GPRIN3: variants seen among roughly 807,000 people sequenced by gnomAD.
GPRIN3 encodes G protein-regulated inducer of neurite outgrowth 3.
In GPRIN3, 12 loss-of-function variants were observed where a neutral mutation model predicts 13.7. The observed-to-expected ratio is 0.87, with a 90% CI of 0.56 to 1.42. The LOEUF is 1.42. GPRIN3 is among the 40% of genes most tolerant of loss of function. The pLI is 0.00. For synonymous variants in GPRIN3, 377 were observed against 372.7 expected, an observed-to-expected ratio of 1.01 and a Z score of -0.13; for missense variants, 1,009 against 958.7, an observed-to-expected ratio of 1.05 and a Z score of -0.69.
chr4:89,257,041 G>A (rs370548773), intron 1 of GPRIN3, among the ~76,000 whole-genome samples: 40 of 152,210 alleles, frequency 2.6e-4, no homozygotes, highest in South Asian at 1.9e-3. Context: ...ACATCATACC[G>A]GGGCACTAAC....
chr4:89,263,418 G>A (rs542251633), intron 1 of GPRIN3, among the ~76,000 whole-genome samples: 10 of 152,166 alleles, frequency 6.6e-5, no homozygotes, highest in Non-Finnish European at 1.3e-4. Flanking sequence ...ATGTGCACTG[G>A]GGTGGAGGCC....
intron 1 of GPRIN3, among the ~76,000 whole-genome samples, chr4:89,266,174 G>A (rs1246713135): frequency 1.3e-5 from 2 of 152,138 alleles, no homozygotes; most frequent in East Asian, 3.9e-4. Flanking sequence ...TTGAATTTAA[G>A]ATAGTAAACA....
chr4:89,266,945 T>C (rs1011394821), intron 1 of GPRIN3, among the ~76,000 whole-genome samples: 3 of 152,228 alleles, frequency 2.0e-5, no homozygotes, highest in African/African-American at 4.8e-5. Context: ...ATTGTGATGC[T>C]ATAGGCTGCA....
chr4:89,279,572 G>A (rs532739664), intron 1 of GPRIN3, among the ~76,000 whole-genome samples: 102 of 152,220 alleles, frequency 6.7e-4, no homozygotes, highest in South Asian at 2.7e-3. Context: ...TTGTTTCTTT[G>A]TCATTTCTGC....
At chr4:89,294,752 T>A (rs1450101312) in intron 1 of GPRIN3, among the ~76,000 whole-genome samples, 1 of 152,222 alleles carries the variant, frequency 6.6e-6, no homozygotes, top group Non-Finnish European at 1.5e-5. Context: ...AAACCACTGC[T>A]ATATCCTTTT....
At chr4:89,269,357 G>A (rs1723865643) in intron 1 of GPRIN3, among the ~76,000 whole-genome samples, 1 of 152,046 alleles carries the variant, frequency 6.6e-6, no homozygotes, top group Admixed American at 6.6e-5. Context: ...AAATCACCAT[G>A]GTAGTATATT....
rs180990376 is a variant in GPRIN3, at chr4:89,258,456, C to A, written c.-123-8223G>T. ...GGTCTCCATCTCCTGACCTCGTGAT[C>A]CACTCCCTCGACCTCCCAAAGTGCT... On this transcript the variant is annotated intron_variant, in intron 1 of 1. Coordinates refer to ENST00000609438, the MANE Select transcript of GPRIN3 (RefSeq NM_198281.3). Among the ~76,000 whole-genome samples the A allele has an allele frequency of 2.3e-3, 350 of 152,236 alleles. 1 individual carries two copies. The highest frequency in any genetic ancestry group is 3.3e-3 in the Non-Finnish European group (223 of 68,006).
In GPRIN3 at chr4:89,249,294, C is replaced by T. The variant is rs1460621562; in HGVS notation, c.817G>A (p.Glu273Lys). 23 of 1,613,822 alleles carry T rather than the reference C, an allele frequency of 1.4e-5. No individual in the cohort carries two copies. The highest frequency in any genetic ancestry group is 1.6e-5 in the Non-Finnish European group (19 of 1,180,010). ...GGACCTGGGGGACATGCCGAAGGTT[C>T]GCTAGTGAGGGGGGTTGGTTGAGGT... ...VTPQPTPLTSEPSACPPGPEK... is the reference protein window; with the variant it reads ...VTPQPTPLTSKPSACPPGPEK... Residue 273 changes from glutamate to lysine, a missense_variant, in exon 2 of 2, where the codon GAA becomes AAA. Physicochemically the swap from Glu to Lys is moderately conservative, Grantham distance 56. Transcript: ENST00000609438.
At chr4:89,288,008 C>T (rs1367789) in intron 1 of GPRIN3, among the ~76,000 whole-genome samples, 112,800 of 152,048 alleles carry the variant, frequency 0.74, 42,593 homozygotes, top group Non-Finnish European at 0.83. Context: ...TTCTTGGGAG[C>T]GCTCATGATT....
chr4:89,298,305 G>A (rs1724800038), intron 1 of GPRIN3, among the ~76,000 whole-genome samples: 2 of 152,126 alleles, frequency 1.3e-5, no homozygotes, highest in African/African-American at 4.8e-5. Flanking sequence ...TTAAGGAAGT[G>A]GAGTATGGGA....
At position 89,244,592 on chromosome 4, in the gene GPRIN3, C is replaced by T. The variant is rs538755794; in HGVS notation, c.*3188G>A. ...GTAGTTGGTCTGTGGCATTCAAAGT[C>T]AATAATCCAGAAATACATAATTAGA... On this transcript the variant is annotated 3_prime_UTR_variant, in exon 2 of 2. Transcript: ENST00000609438. The T allele has an allele frequency of 6.6e-6, 1 of 152,166 alleles. No homozygotes were observed. The highest frequency in any genetic ancestry group is 2.4e-5 in the African/African-American group (1 of 41,520). 9.4% of individuals were successfully genotyped at this position (152,166 alleles called of 1,614,324 possible). A position where few individuals can be genotyped will look rare whatever the true frequency, so the allele number is the denominator to read the frequency against.
chr4:89,267,906 A>G (rs1023922348), intron 1 of GPRIN3, among the ~76,000 whole-genome samples: 10 of 152,210 alleles, frequency 6.6e-5, no homozygotes, highest in Non-Finnish European at 1.3e-4. Flanking sequence ...ATTCATAAGC[A>G]GAGGTATCAT....
chr4:89,254,559 T>C (rs560264681), intron 1 of GPRIN3, among the ~76,000 whole-genome samples: 28 of 152,342 alleles, frequency 1.8e-4, no homozygotes, highest in African/African-American at 5.3e-4. Context: ...CATGATCTCA[T>C]TCTTTTTTTA....
At chr4:89,270,783 C>A (rs1723929031) in intron 1 of GPRIN3, among the ~76,000 whole-genome samples, 1 of 151,294 alleles carries the variant, frequency 6.6e-6, no homozygotes, top group Non-Finnish European at 1.5e-5. Flanking sequence ...CATCAAGGTA[C>A]ACATAGGAGA....
chr4:89,261,141 G>A (rs1202948283), intron 1 of GPRIN3, among the ~76,000 whole-genome samples: 3 of 152,170 alleles, frequency 2.0e-5, no homozygotes, highest in African/African-American at 7.2e-5. Context: ...GGAGCTAGAT[G>A]TTAATCTAGG....
chr4:89,279,851 C>G (rs1038241916), intron 1 of GPRIN3, among the ~76,000 whole-genome samples: 2 of 152,204 alleles, frequency 1.3e-5, no homozygotes, highest in Non-Finnish European at 1.5e-5. Context: ...TCTTCTCACT[C>G]TATACACTCA....
intron 1 of GPRIN3, among the ~76,000 whole-genome samples, chr4:89,272,092 C>A (rs74323489): frequency 0.011 from 1,621 of 152,270 alleles, 36 homozygotes; most frequent in African/African-American, 0.037. Context: ...CTTGGACTTT[C>A]CAGCCTCCAG....
intron 1 of GPRIN3, among the ~76,000 whole-genome samples, chr4:89,294,870 A>T (rs1371043120): frequency 6.6e-6 from 1 of 152,214 alleles, no homozygotes; most frequent in African/African-American, 2.4e-5. Flanking sequence ...AGTGCTTTAA[A>T]ACATCTTAAC....
At chr4:89,288,252 C>G (rs1481747552) in intron 1 of GPRIN3, among the ~76,000 whole-genome samples, 2 of 151,854 alleles carry the variant, frequency 1.3e-5, no homozygotes, top group East Asian at 3.9e-4. Flanking sequence ...TTGTTTTTTT[C>G]TTTGCAGAGC....
Sources: gnomAD v4.1 joint callset for allele counts (sites outside exome capture counted in the v4.1 genomes callset) on GRCh38, gnomAD v4.1.1 for gene constraint, MANE v1.5 for transcripts, NCBI Gene and HGNC (gene_info 2026-07-23, HGNC 2026-07-21) for gene names.